Variants in TNFSF18 observed in about 807,000 individuals in gnomAD.
TNFSF18 encodes the protein TNF superfamily member 18.
In TNFSF18, 6 loss-of-function variants were observed where a neutral mutation model predicts 9.6. The ratio of observed to expected loss-of-function variants is 0.63; its 90% CI spans 0.34 to 1.24. TNFSF18 has a LOEUF of 1.24. Among genes scored for constraint, TNFSF18 ranks in the 50% most tolerant of loss-of-function variants. The pLI is 0.03. For synonymous variants in TNFSF18, 68 were observed against 71.7 expected (o/e 0.95, Z 0.26); for missense variants, 210 against 201.0 (o/e 1.04, Z -0.27).
Position 173,041,430 on chromosome 1 carries a change from C to A in TNFSF18, c.471G>T (p.Gln157His), listed in dbSNP as rs745441783. Residue 157 changes from glutamine (Q) to histidine (H), a missense_variant, in exon 3 of 3, where the codon CAG becomes CAT. Coordinates refer to ENST00000404377, the MANE Select transcript of TNFSF18 (RefSeq NM_005092.4). ...TIDLIFNSEHQVLKNNTYWGI... is the reference protein window; with the variant it reads ...TIDLIFNSEHHVLKNNTYWGI... ...CCCAGTATGTATTATTTTTTAGAAC[C>A]TGATGCTCAGAGTTGAATATCAAGT... The A allele has an allele frequency of 6.2e-6, 10 of 1,613,250 alleles. No individual in the cohort carries two copies. Among genetic ancestry groups the A allele is most frequent in the Non-Finnish European group, 8.5e-6 (10 of 1,179,502 alleles).
intron 1 of TNFSF18, among the ~76,000 whole-genome samples, chr1:173,046,691 C>A (rs1665089398): frequency 6.6e-6 from 1 of 151,556 alleles, no homozygotes. Flanking sequence ...TTTGGCTCAC[C>A]CTTATAAATA....
intron 1 of TNFSF18, 23 bp from the exon 2 acceptor site, chr1:173,043,992 A>G (rs374569159): frequency 1.2e-6 from 2 of 1,607,934 alleles, no homozygotes; most frequent in Non-Finnish European, 1.7e-6. Flanking sequence ...TAAAAGATGA[A>G]TTGATTAGGA....
chr1:173,050,660 A>G (rs1665155683), intron 1 of TNFSF18, 81 bp downstream of exon 1: 1 of 896,024 alleles, frequency 1.1e-6, no homozygotes, highest in African/African-American at 1.7e-5. Flanking sequence ...AACAATACTG[A>G]GTGACAATGA....
In TNFSF18 at chr1:173,041,584, T is replaced by C. The variant is rs763450875; in HGVS notation, c.317A>G (p.Asn106Ser). ...LIYGQVAPNA[N>S]YNDVAPFEVR... is the part of the protein sequence containing the mutation. ...CTCAAAAGGAGCTACATCATTGTAG[T>C]TTGCATTGGGAGCCACTTGGCCATA... Residue 106 changes from asparagine to serine, a missense_variant, in exon 3 of 3, where the codon AAC becomes AGC. Asn to Ser is a conservative substitution (Grantham distance 46). Transcript: ENST00000404377. The C allele has an allele frequency of 1.5e-5, 24 of 1,613,600 alleles. No homozygotes were observed. The highest frequency in any genetic ancestry group is 2.0e-5 in the Non-Finnish European group (24 of 1,179,654).
chr1:173,045,824 T>A (rs1197064751), intron 1 of TNFSF18, among the ~76,000 whole-genome samples: 1 of 152,162 alleles, frequency 6.6e-6, no homozygotes, highest in Non-Finnish European at 1.5e-5. Flanking sequence ...CATAGATGGC[T>A]TGGATAGATG....
At chr1:173,047,267 T>C (rs1273715317) in intron 1 of TNFSF18, among the ~76,000 whole-genome samples, 1 of 152,196 alleles carries the variant, frequency 6.6e-6, no homozygotes, top group Non-Finnish European at 1.5e-5. Context: ...GTTCAACCCA[T>C]GATAGGGACG....
At chr1:173,041,823 T>TACTACCGA in intron 2 of TNFSF18, 110 bp from the exon 3 acceptor site, 1 of 835,044 alleles carries the variant, frequency 1.2e-6, no homozygotes, top group East Asian at 3.0e-5. Context: ...TTTCTTTACC[T>TACTACCGA]GATCTACACT....
intron 1 of TNFSF18, among the ~76,000 whole-genome samples, chr1:173,050,210 G>GTCTT (rs2101929197): frequency 6.6e-6 from 1 of 152,168 alleles, no homozygotes; most frequent in East Asian, 1.9e-4. Context: ...GAGATTAAAT[G>GTCTT]TCTTTATCAA....
At chr1:173,048,956 C>G (rs1386893441) in intron 1 of TNFSF18, among the ~76,000 whole-genome samples, 1 of 152,180 alleles carries the variant, frequency 6.6e-6, no homozygotes, top group African/African-American at 2.4e-5. Flanking sequence ...AGGCCACTGG[C>G]TTTTCCCATA....
Position 173,041,550 on chromosome 1 carries a change from C to T in TNFSF18, c.351G>A (p.Leu117=), listed in dbSNP as rs771827298. The T allele has an allele frequency of 6.2e-7, 1 of 1,613,468 alleles. No individual in the cohort carries two copies. Among genetic ancestry groups the T allele is most frequent in the Non-Finnish European group, 8.5e-7 (1 of 1,179,606 alleles). ...YNDVAPFEVR[L]YKNKDMIQTL... is the part of the protein sequence containing the mutation. ...TTTGTATCATGTCTTTGTTTTTATA[C>T]AGCCGCACCTCAAAAGGAGCTACAT... Residue 117 remains leucine (L), a synonymous_variant, in exon 3 of 3, where the codon CTG becomes CTA. Coordinates refer to ENST00000404377, the MANE Select transcript of TNFSF18 (RefSeq NM_005092.4).
intron 1 of TNFSF18, among the ~76,000 whole-genome samples, chr1:173,046,127 G>A (rs1395285079): frequency 6.6e-6 from 1 of 152,174 alleles, no homozygotes; most frequent in Non-Finnish European, 1.5e-5. Flanking sequence ...TTTAAAGTAA[G>A]ACCTTTCAAA....
chr1:173,050,179 A>AT (rs1004442792), intron 1 of TNFSF18, among the ~76,000 whole-genome samples: 2 of 152,164 alleles, frequency 1.3e-5, no homozygotes, highest in Non-Finnish European at 2.9e-5. Flanking sequence ...GTTTTTTTAG[A>AT]TAAAGAAGCT....
chr1:173,044,336 G>A (rs1665044630), intron 1 of TNFSF18, among the ~76,000 whole-genome samples: 1 of 151,726 alleles, frequency 6.6e-6, no homozygotes. Flanking sequence ...AAGGTGATCT[G>A]TTGGCATGTG....
At position 173,041,597 on chromosome 1, in the gene TNFSF18, C is replaced by A. The variant is rs752128145; in HGVS notation, c.304G>T (p.Ala102Ser). The change falls in exon 3 of 3, where the codon GCT becomes TCT. Residue 102 changes from alanine to serine, a missense_variant. Coordinates refer to ENST00000404377, the MANE Select transcript of TNFSF18 (RefSeq NM_005092.4). The part of the protein sequence containing the change: ...NGLYLIYGQV[A>S]PNANYNDVAP... ...ACATCATTGTAGTTTGCATTGGGAG[C>A]CACTTGGCCATAAATTAAATATAAG... 1.2e-6 allele frequency: 2 copies of A among 1,613,578 alleles called. No homozygotes were observed. Among genetic ancestry groups the A allele is most frequent in the South Asian group, 2.2e-5 (2 of 91,062 alleles).
rs1340959715 is a variant in TNFSF18, at chr1:173,041,471, C to G, written c.430G>C (p.Val144Leu). ...AATATCAAGTCTATGGTGTCCCCAACATGCAATTCATAAGTCCCTCCTACA... is the reference window on the plus strand; with the variant it reads ...AATATCAAGTCTATGGTGTCCCCAAGATGCAATTCATAAGTCCCTCCTACA... ...QNVGGTYELHVGDTIDLIFNS... is the reference protein window; with the variant it reads ...QNVGGTYELHLGDTIDLIFNS... Residue 144 changes from valine to leucine, a missense_variant, in exon 3 of 3, where the codon GTT (valine) becomes CTT (leucine). Transcript: ENST00000404377. The G allele has an allele frequency of 6.2e-7, 1 of 1,613,452 alleles. No individual in the cohort carries two copies. Among genetic ancestry groups the G allele is most frequent in the African/African-American group, 1.3e-5 (1 of 74,910 alleles).
At chr1:173,050,584 A>C (rs901430955) in intron 1 of TNFSF18, among the ~76,000 whole-genome samples, 157 bp downstream of exon 1, 1 of 152,204 alleles carries the variant, frequency 6.6e-6, no homozygotes, top group Non-Finnish European at 1.5e-5. Context: ...TTCAAACGCC[A>C]TGTCATGACA....
At position 173,050,852 on chromosome 1, in the gene TNFSF18, TCTTGAATGG is replaced by T; in HGVS notation, c.36_44del (p.Ser12_Ser14del). On this transcript the variant is annotated inframe_deletion, in exon 1 of 3. Coordinates refer to ENST00000404377, the MANE Select transcript of TNFSF18 (RefSeq NM_005092.4). ...AGGATGATCTCTGAGCTCCTTGAGT[TCTTGAATGG>T]CTTAAAGGCATATTTTCCAAGTGGC... is the stretch of plus-strand genomic sequence containing the variant. 1 of 1,613,868 alleles carries T rather than the reference TCTTGAATGG, an allele frequency of 6.2e-7. No homozygotes were observed. Among genetic ancestry groups the T allele is most frequent in the Non-Finnish European group, 8.5e-7 (1 of 1,179,798 alleles).
intron 2 of TNFSF18, among the ~76,000 whole-genome samples, chr1:173,042,503 TTAAA>T (rs1469299634): frequency 1.3e-5 from 2 of 152,128 alleles, no homozygotes. Flanking sequence ...TTAGGATTCA[TTAAA>T]TAAATCCCCC....
chr1:173,047,159 G>A (rs184528327), intron 1 of TNFSF18, among the ~76,000 whole-genome samples: 1 of 152,236 alleles, frequency 6.6e-6, no homozygotes, highest in East Asian at 1.9e-4. Context: ...GCCTCCCAAA[G>A]TGCTGGGATT....
Sources: gnomAD v4.1 joint callset for allele counts (sites outside exome capture counted in the v4.1 genomes callset) on GRCh38, gnomAD v4.1.1 for gene constraint, MANE v1.5 for transcripts, NCBI Gene and HGNC (gene_info 2026-07-23, HGNC 2026-07-21) for gene names.